The following PKHD1 variants were observed in gnomAD, a reference collection of about 807,000 sequenced individuals.
The protein encoded by PKHD1 is fibrocystin.
A neutral mutation model predicts 412.0 loss-of-function variants in PKHD1; 291 were observed. The observed-to-expected ratio is 0.71, with a 90% confidence interval of 0.64 to 0.78. PKHD1 has a LOEUF of 0.78. PKHD1 is among the 30% of genes least tolerant of loss of function. The pLI, the probability that PKHD1 is intolerant of heterozygous loss-of-function variation, is 0.00. For synonymous variants in PKHD1, 1,777 were observed against 1,821.5 expected (o/e 0.98, Z 0.62); for missense variants, 4,825 against 4,950.7 (o/e 0.97, Z 0.76).
At position 52,050,199 on chromosome 6, in the gene PKHD1, C is replaced by A. The variant is rs1463488795; in HGVS notation, c.2237G>T (p.Trp746Leu). The change falls in exon 22 of 67, where the codon TGG becomes TTG. Residue 746 changes from tryptophan to leucine, a missense_variant. Transcript: ENST00000371117. The stretch of plus-strand genomic sequence containing the variant: ...GAGCTCCGTGCCACACCCCGCCAGC[C>A]AGGAGGTGACACTGTAGACCGGAGG... ...GSPPVYSVTS[W>L]LAGCGTELPL... is the part of the protein sequence containing the mutation. 6.2e-7 allele frequency: 1 copy of A among 1,614,200 alleles called. No homozygotes were observed. The highest frequency in any genetic ancestry group is 1.1e-5 in the South Asian group (1 of 91,082).
At chr6:51,896,387 C>A (rs1004365702) in intron 43 of PKHD1, among the ~76,000 whole-genome samples, 2 of 152,224 alleles carry the variant, frequency 1.3e-5, no homozygotes, top group East Asian at 3.9e-4. Flanking sequence ...CTGGGAGGCA[C>A]CCCCCAACAG....
chr6:51,620,621 T>G (rs1390225330), intron 66 of PKHD1, among the ~76,000 whole-genome samples: 1 of 151,946 alleles, frequency 6.6e-6, no homozygotes, highest in Non-Finnish European at 1.5e-5. Context: ...TTTTGTTATT[T>G]TTTTCCTGAG....
intron 14 of PKHD1, among the ~76,000 whole-genome samples, chr6:52,060,835 A>G (rs1368778558): frequency 3.3e-5 from 5 of 152,160 alleles, no homozygotes; most frequent in African/African-American, 1.2e-4. Flanking sequence ...AACTACTTTA[A>G]AAGTCCACAA....
Position 51,616,223 on chromosome 6 carries a change from T to A in PKHD1, c.*2858A>T, listed in dbSNP as rs1375734650. The A allele has an allele frequency of 6.5e-6, 1 of 154,248 alleles. No individual in the cohort carries two copies. Among genetic ancestry groups the A allele is most frequent in the Non-Finnish European group, 1.4e-5 (1 of 69,524 alleles). The allele number at this position is 154,248 out of a possible 1,614,324, so 9.6% of individuals were successfully genotyped here. On this transcript the variant is annotated 3_prime_UTR_variant, in exon 67 of 67. Coordinates refer to ENST00000371117, the MANE Select transcript of PKHD1 (RefSeq NM_138694.4). ...CACTTAAAATGTACTTTCAAACACT[T>A]TTGAACTCTCTAGAATTTTAGCTTG...
rs1335353620 is a variant in PKHD1 at position 51,868,052 on chromosome 6, G to T, written c.7544C>A (p.Ala2515Glu). ...AATTGCTGCATGAGGAAATGGAAAT[G>T]CCACTAAGTTTGAAGAGTTTGTAAA... ...LKFTNSSNLV[A>E]FPFPHAAILE... The change falls in exon 48 of 67, where the codon GCA (alanine) becomes GAA (glutamate). Residue 2515 changes from alanine (A) to glutamate (E), a missense_variant. Physicochemically the swap from Ala to Glu is moderately radical, Grantham distance 107. Coordinates refer to ENST00000371117, the MANE Select transcript of PKHD1 (RefSeq NM_138694.4). 6.2e-7 allele frequency: 1 copy of T among 1,610,644 alleles called. No individual in the cohort carries two copies. The highest frequency in any genetic ancestry group is 8.5e-7 in the Non-Finnish European group (1 of 1,177,070).
At chr6:52,075,874 T>C (rs1002805707) in intron 6 of PKHD1, among the ~76,000 whole-genome samples, 3 of 152,182 alleles carry the variant, frequency 2.0e-5, no homozygotes, top group African/African-American at 7.2e-5. Context: ...AGCTCTTCTA[T>C]TATCAGGTTT....
chr6:51,779,295 C>G (rs978236540), intron 53 of PKHD1, among the ~76,000 whole-genome samples: 1 of 152,062 alleles, frequency 6.6e-6, no homozygotes, highest in Non-Finnish European at 1.5e-5. Context: ...TGCCTCTGCC[C>G]CCCTCTGCCT....
At chr6:52,058,920 C>T (rs755094596) in intron 15 of PKHD1, among the ~76,000 whole-genome samples, 9 of 152,094 alleles carry the variant, frequency 5.9e-5, no homozygotes, top group Admixed American at 3.3e-4. Context: ...AGTATTAAGC[C>T]CTTCAGAGAC....
intron 60 of PKHD1, among the ~76,000 whole-genome samples, chr6:51,713,177 T>C (rs1780851118): frequency 6.6e-6 from 1 of 152,206 alleles, no homozygotes. Flanking sequence ...GAGAGGAAAT[T>C]TAGTCTTTCT....
chr6:51,670,072 G>T (rs1216761245), intron 60 of PKHD1, among the ~76,000 whole-genome samples: 1 of 142,876 alleles, frequency 7.0e-6, no homozygotes, highest in Admixed American at 7.0e-5. Flanking sequence ...TCTGCTTGGT[G>T]CAGAGCTGAG....
At chr6:51,724,842 G>T (rs1316114432) in intron 60 of PKHD1, among the ~76,000 whole-genome samples, 1 of 152,094 alleles carries the variant, frequency 6.6e-6, no homozygotes, top group Non-Finnish European at 1.5e-5. Context: ...TAAACGAGAA[G>T]GCAATACAAT....
intron 43 of PKHD1, among the ~76,000 whole-genome samples, chr6:51,892,918 T>G (rs532253204): frequency 8.2e-4 from 125 of 152,364 alleles, no homozygotes; most frequent in Non-Finnish European, 1.5e-3. Context: ...CTTCAGCCCT[T>G]GTAAATATAC....
chr6:51,854,814 G>A (rs536055002), intron 49 of PKHD1, among the ~76,000 whole-genome samples: 2 of 152,322 alleles, frequency 1.3e-5, no homozygotes, highest in East Asian at 1.9e-4. Flanking sequence ...TAGAGCTATA[G>A]AAATGGGTGC....
At chr6:51,676,268 T>C (rs912533746) in intron 60 of PKHD1, among the ~76,000 whole-genome samples, 1 of 149,372 alleles carries the variant, frequency 6.7e-6, no homozygotes, top group Non-Finnish European at 1.5e-5. Flanking sequence ...AAAAAACTTC[T>C]ATTCTTTATT....
intron 34 of PKHD1, among the ~76,000 whole-genome samples, chr6:52,015,441 G>A (rs1429842073): frequency 2.6e-5 from 4 of 152,168 alleles, no homozygotes. Context: ...CTGGCAAAAA[G>A]ACCGCTGCCA....
At chr6:51,782,629 A>G (rs958834822) in intron 53 of PKHD1, among the ~76,000 whole-genome samples, 1 of 152,196 alleles carries the variant, frequency 6.6e-6, no homozygotes, top group African/African-American at 2.4e-5. Flanking sequence ...TGAACTAACC[A>G]TCTATTTTGC....
chr6:51,969,381 A>G (rs1443500558), intron 35 of PKHD1, among the ~76,000 whole-genome samples: 2 of 152,186 alleles, frequency 1.3e-5, no homozygotes, highest in Non-Finnish European at 2.9e-5. Context: ...CAGAGAACCC[A>G]TCTACTCTGT....
chr6:51,771,296 T>C (rs1482324388), intron 55 of PKHD1, among the ~76,000 whole-genome samples: 1 of 152,114 alleles, frequency 6.6e-6, no homozygotes, highest in East Asian at 1.9e-4. Flanking sequence ...TTTTCAAGTG[T>C]TATGTCATTT....
At chr6:51,647,075 T>C (rs1397506117) in intron 63 of PKHD1, among the ~76,000 whole-genome samples, 3 of 152,212 alleles carry the variant, frequency 2.0e-5, no homozygotes, top group African/African-American at 7.2e-5. Flanking sequence ...CTCCCTTAGT[T>C]ATGAGGCTCC....
Sources: allele counts gnomAD v4.1 joint callset (sites outside exome capture counted in the v4.1 genomes callset), GRCh38; gene constraint gnomAD v4.1.1; transcripts MANE v1.5; gene names NCBI Gene and HGNC (gene_info 2026-07-23, HGNC 2026-07-21).